Variants in SCN1A observed in about 807,000 individuals in gnomAD.
SCN1A encodes sodium channel protein type 1 subunit alpha.
In SCN1A, 13 loss-of-function variants were observed where a neutral mutation model predicts 193.7. That is an observed-to-expected ratio of 0.07 (90% confidence interval 0.04 to 0.11). The LOEUF (loss-of-function observed/expected upper bound fraction) is 0.11, where lower values mean the gene tolerates loss of function less well. Among genes scored for constraint, SCN1A ranks in the 10% least tolerant of loss-of-function variants. The pLI is 1.00. For missense variants in SCN1A, 1,432 were observed against 2,451.1 expected, an observed-to-expected ratio of 0.58 and a Z score of 8.78; for synonymous variants, 781 against 843.6, an observed-to-expected ratio of 0.93 and a Z score of 1.29.
chr2:166,081,750 TC>T (rs1452347138), intron 2 of SCN1A: 1 of 151,794 alleles, frequency 6.6e-6, no homozygotes, highest in Non-Finnish European at 1.5e-5. Context: ...TAAAAGAAAT[TC>T]CCCCTCCTCA....
At chr2:166,132,510 A>G (rs1170163201), upstream of SCN1A, among the ~76,000 whole-genome samples, 1 of 152,088 alleles carries the variant, frequency 6.6e-6, no homozygotes, top group African/African-American at 2.4e-5. Flanking sequence ...AAAATGATAA[A>G]CTCATATATT....
intron 9 of SCN1A, 128 bp from the exon 10 acceptor site, chr2:166,049,077 A>G (rs1247137432): frequency 1.5e-6 from 1 of 676,018 alleles, no homozygotes; most frequent in Non-Finnish European, 2.7e-6. Flanking sequence ...ATTCAAAGGC[A>G]CAAGTATTTG....
At chr2:166,081,015 G>T (rs1297080627) in intron 2 of SCN1A, among the ~76,000 whole-genome samples, 1 of 149,926 alleles carries the variant, frequency 6.7e-6, no homozygotes, top group Non-Finnish European at 1.5e-5. Context: ...ACTAGATGAG[G>T]TTTTTGCTTC....
intron 2 of SCN1A, among the ~76,000 whole-genome samples, chr2:166,118,168 G>C (rs1294669498): frequency 6.6e-6 from 1 of 150,414 alleles, no homozygotes; most frequent in Non-Finnish European, 1.5e-5. Context: ...GAGAGAGTCA[G>C]GGAGAGTAAG....
chr2:166,030,012 A>G (rs879819456), intron 19 of SCN1A, among the ~76,000 whole-genome samples: 4 of 152,204 alleles, frequency 2.6e-5, no homozygotes, highest in Non-Finnish European at 4.4e-5. Context: ...ACTCCAGACT[A>G]TGCTGTTAAC....
chr2:166,128,543 T>C (rs569349116), upstream of SCN1A, among the ~76,000 whole-genome samples: 4 of 152,168 alleles, frequency 2.6e-5, no homozygotes, highest in South Asian at 6.2e-4. Flanking sequence ...AGTCACAAAA[T>C]GTGAGTTTTA....
chr2:166,044,591 T>C (rs1490832484), intron 13 of SCN1A, among the ~76,000 whole-genome samples: 1 of 152,220 alleles, frequency 6.6e-6, no homozygotes, highest in Non-Finnish European at 1.5e-5. Context: ...CATGTGCCTT[T>C]TGATCAAGTG....
intron 4 of SCN1A, among the ~76,000 whole-genome samples, chr2:166,061,028 A>G (rs1359056892): frequency 6.6e-6 from 1 of 152,186 alleles, no homozygotes; most frequent in Non-Finnish European, 1.5e-5. Context: ...AATGAGAAAG[A>G]AATGACAATC....
Position 166,047,569 on chromosome 2 carries a change from C to T in SCN1A, c.1170+58G>A, listed in dbSNP as rs1429846951. Reference sequence around the variant, plus strand: ...ATCATCCGGTTTTAATTTCATAACTCAATTGGTTTTCTTGTATACTTTTAC... The same window carrying T: ...ATCATCCGGTTTTAATTTCATAACTTAATTGGTTTTCTTGTATACTTTTAC... On this transcript the variant is annotated intron_variant, in intron 11 of 28. Transcript: ENST00000674923. The T allele has an allele frequency of 1.0e-5, 16 of 1,579,756 alleles. No individual in the cohort carries two copies. The African/African-American group carries it at 1.1e-4, about 11-fold the overall frequency.
chr2:165,994,124 A>G (rs759393670), intron 28 of SCN1A, 22 bp downstream of exon 28: 5 of 1,566,558 alleles, frequency 3.2e-6, no homozygotes, highest in Non-Finnish European at 4.4e-6. Context: ...AACTGAATTT[A>G]AGAACTTTAA....
At chr2:165,994,970 T>C (rs2105453941) in intron 27 of SCN1A, among the ~76,000 whole-genome samples, 1 of 152,044 alleles carries the variant, frequency 6.6e-6, no homozygotes, top group Middle Eastern at 3.4e-3. Context: ...TTGGCTAACA[T>C]TGTCAGACAC....
intron 4 of SCN1A, among the ~76,000 whole-genome samples, chr2:166,071,345 A>G (rs1361302605): frequency 1.3e-5 from 2 of 152,190 alleles, no homozygotes; most frequent in Admixed American, 6.5e-5. Context: ...CAGTTATGAG[A>G]TTAATAATCT....
At chr2:166,022,928 A>G (rs766241165) in intron 19 of SCN1A, among the ~76,000 whole-genome samples, 14 of 152,192 alleles carry the variant, frequency 9.2e-5, no homozygotes. Flanking sequence ...GGAATTGAAC[A>G]TGACCTCAGA....
intron 22 of SCN1A, among the ~76,000 whole-genome samples, chr2:166,011,079 C>A (rs1407484030): frequency 6.6e-6 from 1 of 151,056 alleles, no homozygotes; most frequent in African/African-American, 2.4e-5. Context: ...AAACTTTCTC[C>A]CTTATTGATG....
chr2:166,134,292 T>G (rs1374721476), intron 1 of SCN1A, among the ~76,000 whole-genome samples: 1 of 152,182 alleles, frequency 6.6e-6, no homozygotes, highest in Non-Finnish European at 1.5e-5. Context: ...CAAAGGTCCA[T>G]TCAAGTTTTC....
rs1445652799 is a variant in SCN1A, at chr2:166,036,350, TTTG to T, written c.3124_3126del (p.Gln1042del). 1 of 1,609,204 alleles carries T rather than the reference TTTG, an allele frequency of 6.2e-7. No individual in the cohort carries two copies. The highest frequency in any genetic ancestry group is 1.3e-5 in the African/African-American group (1 of 74,558). On this transcript the variant is annotated inframe_deletion, in exon 19 of 29. Transcript: ENST00000674923. The stretch of plus-strand genomic sequence containing the variant: ...AGTGGTTTAATTTCATCTAAAATCT[TTTG>T]TTTCCTAATGAAGGACTGTTGAATA...
intron 1 of SCN1A, among the ~76,000 whole-genome samples, chr2:166,133,665 T>G (rs1691748348): frequency 6.6e-6 from 1 of 152,212 alleles, no homozygotes; most frequent in African/African-American, 2.4e-5. Flanking sequence ...TTTTTGATCT[T>G]TTCTTCTTTA....
intron 3 of SCN1A, among the ~76,000 whole-genome samples, chr2:166,076,683 G>T (rs1383651514): frequency 6.6e-6 from 1 of 151,844 alleles, no homozygotes; most frequent in Non-Finnish European, 1.5e-5. Flanking sequence ...ACTGACAAAA[G>T]AATAGATAAG....
At chr2:166,133,664 T>C (rs1322368395) in intron 1 of SCN1A, among the ~76,000 whole-genome samples, 3 of 152,224 alleles carry the variant, frequency 2.0e-5, no homozygotes, top group African/African-American at 7.2e-5. Flanking sequence ...ATTTTTGATC[T>C]TTTCTTCTTT....
Sources: gnomAD v4.1 joint callset for allele counts (sites outside exome capture counted in the v4.1 genomes callset) on GRCh38, gnomAD v4.1.1 for gene constraint, MANE v1.5 for transcripts, NCBI Gene and HGNC (gene_info 2026-07-23, HGNC 2026-07-21) for gene names.